Variants in AUTS2 observed in about 807,000 individuals in gnomAD.
AUTS2 encodes the protein activator of transcription and developmental regulator AUTS2.
In AUTS2, 17 loss-of-function variants were observed where a neutral mutation model predicts 112.4. The observed-to-expected ratio is 0.15, with a 90% CI of 0.10 to 0.23. The LOEUF is 0.23. AUTS2 is among the 10% of genes least tolerant of loss of function. The probability of loss-of-function intolerance (pLI) is 1.00; values close to 1 mark genes in which losing one functional copy is unlikely to be tolerated. For synonymous variants in AUTS2, 751 were observed against 702.7 expected (o/e 1.07, Z -1.09); for missense variants, 1,510 against 1,701.6 (o/e 0.89, Z 1.98).
chr7:70,056,342 A>G (rs758596100), intron 2 of AUTS2, among the ~76,000 whole-genome samples: 7 of 152,158 alleles, frequency 4.6e-5, no homozygotes, highest in Non-Finnish European at 8.8e-5. Context: ...GCCTAGATGT[A>G]TCTTCAGCCT....
chr7:69,766,581 G>C (rs1188873906), intron 1 of AUTS2, among the ~76,000 whole-genome samples: 3 of 152,082 alleles, frequency 2.0e-5, no homozygotes, highest in Non-Finnish European at 4.4e-5. Flanking sequence ...ATCGTTTTGG[G>C]CCTTGGTCTC....
chr7:69,685,909 A>C (rs750492450), intron 1 of AUTS2, among the ~76,000 whole-genome samples: 1 of 152,058 alleles, frequency 6.6e-6, no homozygotes, highest in Non-Finnish European at 1.5e-5. Context: ...CCCAGATAAA[A>C]CAATAATCTT....
chr7:69,737,817 G>T (rs1348443591), intron 1 of AUTS2, among the ~76,000 whole-genome samples: 1 of 152,112 alleles, frequency 6.6e-6, no homozygotes, highest in East Asian at 1.9e-4. Flanking sequence ...AAATTAAATT[G>T]CAACAGGTAT....
intron 4 of AUTS2, among the ~76,000 whole-genome samples, chr7:70,367,353 G>A (rs541193701): frequency 6.6e-6 from 1 of 152,008 alleles, no homozygotes; most frequent in South Asian, 2.1e-4. Context: ...TCAGGAGATC[G>A]AGACCATCCT....
Position 70,658,736 on chromosome 7 carries a change from T to C in AUTS2, c.691-39833T>C, listed in dbSNP as rs148843720. Among the ~76,000 whole-genome samples the C allele has an allele frequency of 3.2e-3, 492 of 152,178 alleles. 1 individual carries two copies. The highest frequency in any genetic ancestry group is 0.011 in the African/African-American group (439 of 41,518). On this transcript the variant is annotated intron_variant, in intron 5 of 18. Coordinates refer to ENST00000342771, the MANE Select transcript of AUTS2 (RefSeq NM_015570.4). ...GGATAAACCACATGCAGATAGAAAA[T>C]AGGAAGAAAAGGAAATTCATGGTAA...
intron 1 of AUTS2, among the ~76,000 whole-genome samples, chr7:69,669,286 A>G (rs1796206820): frequency 6.6e-6 from 1 of 152,222 alleles, no homozygotes; most frequent in Middle Eastern, 3.4e-3. Flanking sequence ...ATAATAATGT[A>G]TATCTACTCC....
At chr7:69,604,891 AG>A (rs960421134) in intron 1 of AUTS2, among the ~76,000 whole-genome samples, 5 of 152,252 alleles carry the variant, frequency 3.3e-5, no homozygotes, top group African/African-American at 1.2e-4. Context: ...TCAAGCTGGA[AG>A]GGAACATAGC....
At chr7:69,686,770 C>G (rs1797084040) in intron 1 of AUTS2, among the ~76,000 whole-genome samples, 2 of 152,084 alleles carry the variant, frequency 1.3e-5, no homozygotes, top group Admixed American at 1.3e-4. Flanking sequence ...GGCTCTGATC[C>G]AGAAAACATT....
intron 3 of AUTS2, among the ~76,000 whole-genome samples, chr7:70,129,901 T>TATATTG (rs1554319605): frequency 1.4e-5 from 2 of 147,322 alleles, no homozygotes; most frequent in African/African-American, 5.0e-5. Context: ...TATATATATA[T>TATATTG]TGTGTGTGTG....
At chr7:70,582,382 G>A (rs1330508090) in intron 5 of AUTS2, among the ~76,000 whole-genome samples, 1 of 152,176 alleles carries the variant, frequency 6.6e-6, no homozygotes, top group African/African-American at 2.4e-5. Flanking sequence ...CCTACGGAGT[G>A]GGTTCCCACT....
At chr7:70,156,967 C>G (rs1395631553) in intron 4 of AUTS2, among the ~76,000 whole-genome samples, 2 of 135,714 alleles carry the variant, frequency 1.5e-5, no homozygotes, top group Non-Finnish European at 3.1e-5. Flanking sequence ...GTCCCAGCTA[C>G]TTGGGAGGCT....
chr7:70,476,607 C>T (rs973600918), intron 5 of AUTS2, among the ~76,000 whole-genome samples: 3 of 152,184 alleles, frequency 2.0e-5, no homozygotes, highest in African/African-American at 7.2e-5. Context: ...ACTGAGTGTA[C>T]TCAGACTATA....
chr7:70,700,207 T>TA (rs1809375922), intron 6 of AUTS2, among the ~76,000 whole-genome samples: 1 of 152,186 alleles, frequency 6.6e-6, no homozygotes, highest in Admixed American at 6.5e-5. Flanking sequence ...TTTGTTTACT[T>TA]ACAGAGTGTG....
At chr7:69,903,260 A>G (rs1447123638) in intron 2 of AUTS2, among the ~76,000 whole-genome samples, 1 of 152,190 alleles carries the variant, frequency 6.6e-6, no homozygotes, top group East Asian at 1.9e-4. Context: ...AGGTGTCGCT[A>G]AACCGATAAG....
intron 2 of AUTS2, among the ~76,000 whole-genome samples, chr7:70,056,114 A>G (rs946882781): frequency 6.6e-6 from 1 of 151,766 alleles, no homozygotes; most frequent in African/African-American, 2.4e-5. Context: ...CAGCCTCCCG[A>G]GTAGCTGGGA....
At chr7:70,117,116 TGTTTTTTTTTG>T (rs769902863) in intron 2 of AUTS2, among the ~76,000 whole-genome samples, 39 of 107,506 alleles carry the variant, frequency 3.6e-4, no homozygotes, top group African/African-American at 1.1e-3. Flanking sequence ...TTTTTTTTTT[TGTTTTTTTTTG>T]TTTTTTTTTG....
At chr7:70,667,213 A>G (rs2129543576) in intron 5 of AUTS2, among the ~76,000 whole-genome samples, 1 of 152,308 alleles carries the variant, frequency 6.6e-6, no homozygotes, top group East Asian at 1.9e-4. Flanking sequence ...GGGCTTCGTA[A>G]TTAGCATTTA....
rs185656091 is a variant in AUTS2, at chr7:69,977,480, A to G, written c.522+77982A>G. Among the ~76,000 whole-genome samples the G allele has an allele frequency of 8.6e-3, 1,315 of 152,302 alleles. 12 individuals are homozygous for G. The highest frequency in any genetic ancestry group is 0.027 in the Middle Eastern group (8 of 294). ...TTTTTCTATTTCTGCTAAAATTGCCATTGGGATTTTGATAGAGATTGTATT... is the reference window on the plus strand; with the variant it reads ...TTTTTCTATTTCTGCTAAAATTGCCGTTGGGATTTTGATAGAGATTGTATT... On this transcript the variant is annotated intron_variant, in intron 2 of 18. Coordinates refer to ENST00000342771, the MANE Select transcript of AUTS2 (RefSeq NM_015570.4).
chr7:70,641,905 C>G (rs1805851555), intron 5 of AUTS2, among the ~76,000 whole-genome samples: 1 of 152,170 alleles, frequency 6.6e-6, no homozygotes, highest in Admixed American at 6.5e-5. Flanking sequence ...CTCAATAATA[C>G]CGAATATTCT....
Sources: gnomAD v4.1 joint callset for allele counts (sites outside exome capture counted in the v4.1 genomes callset) on GRCh38, gnomAD v4.1.1 for gene constraint, MANE v1.5 for transcripts, NCBI Gene and HGNC (gene_info 2026-07-23, HGNC 2026-07-21) for gene names.